The following SLC4A4 variants were observed in gnomAD, a reference collection of about 807,000 sequenced individuals.
SLC4A4 encodes the protein electrogenic sodium bicarbonate cotransporter 1.
A neutral mutation model predicts 111.5 loss-of-function variants in SLC4A4; 27 were observed. The observed-to-expected ratio is 0.24, with a 90% CI of 0.18 to 0.33. The LOEUF is 0.33. Among genes scored for constraint, SLC4A4 ranks in the 10% least tolerant of loss-of-function variants. The probability of loss-of-function intolerance (pLI) is 1.00; values close to 1 mark genes in which losing one functional copy is unlikely to be tolerated. For synonymous variants in SLC4A4, 443 were observed against 463.4 expected, an observed-to-expected ratio of 0.96 and a Z score of 0.57; for missense variants, 909 against 1,315.5, an observed-to-expected ratio of 0.69 and a Z score of 4.78.
At chr4:71,125,788 CTG>C (rs1009097017) in intron 2 of SLC4A4, among the ~76,000 whole-genome samples, 26 of 152,230 alleles carry the variant, frequency 1.7e-4, no homozygotes, top group African/African-American at 6.3e-4. Context: ...GAGCTTGAAT[CTG>C]TGCTGATTTT....
chr4:71,140,100 A>G (rs2148965804), intron 2 of SLC4A4, among the ~76,000 whole-genome samples: 1 of 152,144 alleles, frequency 6.6e-6, no homozygotes, highest in East Asian at 1.9e-4. Context: ...GTTGTTTTGA[A>G]CACATAGCAT....
At chr4:71,417,064 G>A (rs1721892063) in intron 7 of SLC4A4, among the ~76,000 whole-genome samples, 1 of 152,136 alleles carries the variant, frequency 6.6e-6, no homozygotes, top group South Asian at 2.1e-4. Flanking sequence ...GTCCCTGCTT[G>A]TTTCTATGCA....
chr4:71,301,564 C>A (rs544647427), intron 3 of SLC4A4, among the ~76,000 whole-genome samples: 1 of 152,344 alleles, frequency 6.6e-6, no homozygotes, highest in Admixed American at 6.5e-5. Context: ...TCTCTACCTG[C>A]AGGCCCCAGC....
chr4:71,233,286 C>T (rs1719569739), intron 1 of SLC4A4: 1 of 985,326 alleles, frequency 1.0e-6, no homozygotes, highest in South Asian at 4.7e-5. Context: ...TACTGAATGC[C>T]TCCTCTGTGT....
intron 2 of SLC4A4, among the ~76,000 whole-genome samples, chr4:71,178,841 C>T (rs1220785273): frequency 6.6e-6 from 1 of 152,234 alleles, no homozygotes; most frequent in African/African-American, 2.4e-5. Flanking sequence ...GGAATCCTCC[C>T]TAACTCATTT....
chr4:71,388,707 C>T (rs1718991365), intron 6 of SLC4A4, among the ~76,000 whole-genome samples: 2 of 152,106 alleles, frequency 1.3e-5, no homozygotes, highest in Non-Finnish European at 2.9e-5. Flanking sequence ...CACCACCTTG[C>T]TCAGCTAACT....
chr4:71,405,692 G>T (rs762282695), intron 7 of SLC4A4, among the ~76,000 whole-genome samples: 3 of 152,010 alleles, frequency 2.0e-5, no homozygotes, highest in South Asian at 2.1e-4. Context: ...TATTGAATCC[G>T]CCTCCACTGC....
Position 71,472,687 on chromosome 4 carries a change from T to C in SLC4A4, c.1632-12T>C. 1 of 1,612,292 alleles carries C rather than the reference T, an allele frequency of 6.2e-7. No individual in the cohort carries two copies. Among genetic ancestry groups the C allele is most frequent in the Non-Finnish European group, 8.5e-7 (1 of 1,178,836 alleles). Reference sequence around the variant, plus strand: ...GAGGAGGAATCTAAACATTTTTCTTTCTTTTTTCCAGGGACAATAATTTTG... The same window carrying C: ...GAGGAGGAATCTAAACATTTTTCTTCCTTTTTTCCAGGGACAATAATTTTG... On this transcript the variant is annotated splice_polypyrimidine_tract_variant and intron_variant, in intron 13 of 25. Transcript: ENST00000264485.
chr4:71,435,775 A>G (rs1265797941), intron 7 of SLC4A4, among the ~76,000 whole-genome samples: 1 of 152,264 alleles, frequency 6.6e-6, no homozygotes, highest in Non-Finnish European at 1.5e-5. Context: ...TTTTCAAAAG[A>G]AGACATTTAT....
chr4:71,224,884 T>C (rs1470423204), intron 1 of SLC4A4, among the ~76,000 whole-genome samples: 1 of 152,244 alleles, frequency 6.6e-6, no homozygotes, highest in Non-Finnish European at 1.5e-5. Flanking sequence ...TCTCATCACA[T>C]GTACTGTGTG....
chr4:71,152,978 AATATATATGTGTATATATAAATAT>A, intron 2 of SLC4A4, among the ~76,000 whole-genome samples: 1 of 145,070 alleles, frequency 6.9e-6, no homozygotes, highest in Admixed American at 6.9e-5. Flanking sequence ...TATATATGTA[AATATATATGTGTATATATAAATAT>A]ATATGTGTAT....
At chr4:71,399,671 A>G (rs112360768) in intron 7 of SLC4A4, among the ~76,000 whole-genome samples, 19 of 151,920 alleles carry the variant, frequency 1.3e-4, no homozygotes, top group African/African-American at 4.3e-4. Flanking sequence ...GTGGCTTCCC[A>G]TCATTTTAAG....
intron 3 of SLC4A4, among the ~76,000 whole-genome samples, chr4:71,267,436 AT>A (rs1722351204): frequency 1.3e-5 from 2 of 152,344 alleles, no homozygotes; most frequent in African/African-American, 4.8e-5. Context: ...AGAAAGCATG[AT>A]GAGTACAAGA....
At chr4:71,452,997 T>G (rs1216954294) in intron 11 of SLC4A4, among the ~76,000 whole-genome samples, 4 of 152,186 alleles carry the variant, frequency 2.6e-5, no homozygotes, top group Non-Finnish European at 4.4e-5. Context: ...GGTTTTTTGA[T>G]GCATGTTGTT....
At chr4:71,311,934 A>AGAGAGAGAG (rs56836673) in intron 3 of SLC4A4, among the ~76,000 whole-genome samples, 1 of 131,904 alleles carries the variant, frequency 7.6e-6, no homozygotes, top group Non-Finnish European at 1.7e-5. Context: ...AGAGAGAGAG[A>AGAGAGAGAG]AGGAGATAGA....
chr4:71,116,805 T>C (rs2148954452), intron 2 of SLC4A4, among the ~76,000 whole-genome samples: 1 of 152,232 alleles, frequency 6.6e-6, no homozygotes, highest in East Asian at 1.9e-4. Context: ...TAGTTGGGCA[T>C]GATGGCACAT....
intron 1 of SLC4A4, among the ~76,000 whole-genome samples, chr4:71,234,551 G>A (rs781584284): frequency 3.9e-5 from 6 of 152,130 alleles, no homozygotes; most frequent in Non-Finnish European, 5.9e-5. Flanking sequence ...TCAGCCTCCC[G>A]AGGAGCTGGG....
intron 2 of SLC4A4, among the ~76,000 whole-genome samples, chr4:71,174,983 A>T (rs965010277): frequency 6.6e-6 from 1 of 152,226 alleles, no homozygotes; most frequent in African/African-American, 2.4e-5. Context: ...TCCAATAACT[A>T]TGAAAGGGGT....
intron 2 of SLC4A4, among the ~76,000 whole-genome samples, chr4:71,120,448 T>C (rs1743382223): frequency 6.6e-6 from 1 of 152,228 alleles, no homozygotes; most frequent in African/African-American, 2.4e-5. Context: ...TTTATTCTCC[T>C]GGGCTGCCAG....
Sources: allele counts gnomAD v4.1 joint callset (sites outside exome capture counted in the v4.1 genomes callset), GRCh38; gene constraint gnomAD v4.1.1; transcripts MANE v1.5; gene names NCBI Gene and HGNC (gene_info 2026-07-23, HGNC 2026-07-21).